CADM2: variants seen among roughly 807,000 people sequenced by gnomAD.
The protein encoded by CADM2 is immunoglobulin superfamily member 4D.
Under a neutral mutation model 49.8 loss-of-function variants are expected in CADM2, and 12 were observed. The ratio of observed to expected loss-of-function variants is 0.24; its 90% CI spans 0.15 to 0.39. The LOEUF is 0.39. Ranked by LOEUF, CADM2 falls within the 10% of genes least tolerant of loss-of-function variation. The pLI is 1.00. For synonymous variants in CADM2, 214 were observed against 175.4 expected (o/e 1.22, Z -1.74); for missense variants, 378 against 492.3 (o/e 0.77, Z 2.20).
intron 1 of CADM2, among the ~76,000 whole-genome samples, chr3:85,656,052 A>T (rs1031602575): frequency 1.3e-5 from 2 of 151,906 alleles, no homozygotes; most frequent in African/African-American, 4.8e-5. Context: ...ATCTTAGAGC[A>T]TTGATATTCT....
At chr3:85,705,508 A>G (rs770882127) in intron 1 of CADM2, among the ~76,000 whole-genome samples, 10 of 152,192 alleles carry the variant, frequency 6.6e-5, no homozygotes, top group Non-Finnish European at 1.2e-4. Flanking sequence ...TACACACTGT[A>G]TAGACAATTT....
At chr3:85,225,951 C>T (rs745715106) in intron 1 of CADM2, among the ~76,000 whole-genome samples, 39 of 152,108 alleles carry the variant, frequency 2.6e-4, no homozygotes, top group Non-Finnish European at 3.8e-4. Flanking sequence ...GGGATGAAGC[C>T]GACTTCATCG....
intron 2 of CADM2, among the ~76,000 whole-genome samples, chr3:85,727,597 A>T: frequency 6.6e-6 from 1 of 152,210 alleles, no homozygotes; most frequent in East Asian, 1.9e-4. Context: ...AAATTATTTG[A>T]TAATGAATAC....
At chr3:85,011,040 A>G (rs925373064) in intron 1 of CADM2, among the ~76,000 whole-genome samples, 2 of 150,386 alleles carry the variant, frequency 1.3e-5, no homozygotes, top group African/African-American at 4.9e-5. Context: ...ATTTTTTTGT[A>G]TTTTTAGTAG....
At chr3:85,041,417 G>C (rs553362659) in intron 1 of CADM2, among the ~76,000 whole-genome samples, 1 of 152,218 alleles carries the variant, frequency 6.6e-6, no homozygotes, top group Admixed American at 6.5e-5. Flanking sequence ...ACAGAGAGAC[G>C]GAGTAAGAAT....
At chr3:85,222,904 T>A (rs1456624725) in intron 1 of CADM2, among the ~76,000 whole-genome samples, 1 of 152,158 alleles carries the variant, frequency 6.6e-6, no homozygotes, top group Non-Finnish European at 1.5e-5. Context: ...CATCTTTTAT[T>A]AGAATCATTG....
intron 1 of CADM2, among the ~76,000 whole-genome samples, chr3:85,205,768 A>G (rs1411020270): frequency 1.3e-5 from 2 of 152,260 alleles, no homozygotes; most frequent in South Asian, 4.1e-4. Flanking sequence ...GTTGGACATC[A>G]TAATACATGA....
chr3:85,285,418 C>G (rs988403867), intron 1 of CADM2, among the ~76,000 whole-genome samples: 1 of 152,048 alleles, frequency 6.6e-6, no homozygotes, highest in African/African-American at 2.4e-5. Flanking sequence ...GTGGAAAATG[C>G]ATTTAAAATA....
rs139257494 is a variant in CADM2, at chr3:85,431,860, C to CATATGTATATAT, written c.62-294658_62-294657insGTATATATATAT. ...AACACCATGGTCTTATGCTTAATTG[C>CATATGTATATAT]ATATATATATATGCCATGCTCTTTC... On this transcript the variant is annotated intron_variant, in intron 1 of 9. Coordinates refer to ENST00000383699, the MANE Select transcript of CADM2 (RefSeq NM_001167675.2). 9.1e-4 allele frequency among the ~76,000 whole-genome samples: 47 copies of CATATGTATATAT among 51,866 alleles called. 16 individuals carry two copies. The highest frequency in any genetic ancestry group is 1.8e-3 in the South Asian group (2 of 1,140). 34.0% of individuals were successfully genotyped at this position (51,866 alleles called of 152,430 possible).
In CADM2 at chr3:85,637,429, C is replaced by G. The variant is rs546565825; in HGVS notation, c.62-89093C>G. Among the ~76,000 whole-genome samples the G allele has an allele frequency of 2.7e-5, 4 of 148,352 alleles. No homozygotes were observed. In the South Asian group the frequency reaches 8.7e-4, roughly 32 times the overall value. On this transcript the variant is annotated intron_variant, in intron 1 of 9. Coordinates refer to ENST00000383699, the MANE Select transcript of CADM2 (RefSeq NM_001167675.2). ...CATCCTGGCTAACAAGGTGAAACCCCGTCTCTACTAAAAATATAAAAAATT... is the reference window on the plus strand; with the variant it reads ...CATCCTGGCTAACAAGGTGAAACCCGGTCTCTACTAAAAATATAAAAAATT...
intron 5 of CADM2, among the ~76,000 whole-genome samples, chr3:85,903,678 C>T (rs1241372770): frequency 6.6e-6 from 1 of 152,122 alleles, no homozygotes; most frequent in Non-Finnish European, 1.5e-5. Flanking sequence ...GGCTTTGGCA[C>T]GTGCACAGCC....
intron 1 of CADM2, among the ~76,000 whole-genome samples, chr3:85,523,088 T>C (rs1474067704): frequency 6.6e-6 from 1 of 152,012 alleles, no homozygotes; most frequent in Non-Finnish European, 1.5e-5. Flanking sequence ...TACATTAGTG[T>C]GTATATATTG....
chr3:86,035,769 C>T (rs948743233), intron 8 of CADM2, among the ~76,000 whole-genome samples: 1 of 152,058 alleles, frequency 6.6e-6, no homozygotes, highest in Non-Finnish European at 1.5e-5. Context: ...TCCTAACTTA[C>T]CATTCTTTGT....
At chr3:85,248,157 A>G (rs2042691291) in intron 1 of CADM2, among the ~76,000 whole-genome samples, 2 of 152,194 alleles carry the variant, frequency 1.3e-5, no homozygotes, top group African/African-American at 4.8e-5. Context: ...TATTAATTAT[A>G]ACTTTATGTT....
chr3:85,896,187 G>C (rs1004974095), intron 5 of CADM2, among the ~76,000 whole-genome samples: 7 of 152,138 alleles, frequency 4.6e-5, no homozygotes, highest in African/African-American at 1.7e-4. Flanking sequence ...TTGGGAGGCT[G>C]AGGTTGGAAG....
intron 1 of CADM2, among the ~76,000 whole-genome samples, chr3:85,708,378 A>G (rs990865709): frequency 1.3e-5 from 2 of 152,178 alleles, no homozygotes; most frequent in African/African-American, 4.8e-5. Flanking sequence ...AAAATCCTTC[A>G]ATCACAAAAA....
intron 1 of CADM2, among the ~76,000 whole-genome samples, chr3:85,621,542 A>T (rs1701571637): frequency 6.6e-6 from 1 of 152,176 alleles, no homozygotes; most frequent in Non-Finnish European, 1.5e-5. Flanking sequence ...AAATGTAATT[A>T]TGTCTTTATA....
intron 1 of CADM2, among the ~76,000 whole-genome samples, chr3:85,073,456 G>T (rs1290580680): frequency 6.6e-6 from 1 of 152,028 alleles, no homozygotes. Flanking sequence ...ACAAATGATG[G>T]TTATTCAAAA....
chr3:84,996,441 G>A (rs138054774), intron 1 of CADM2, among the ~76,000 whole-genome samples: 1 of 152,124 alleles, frequency 6.6e-6, no homozygotes, highest in African/African-American at 2.4e-5. Context: ...ATTATCAACT[G>A]TCTGGACTTG....
Sources: allele counts gnomAD v4.1 joint callset (sites outside exome capture counted in the v4.1 genomes callset), GRCh38; gene constraint gnomAD v4.1.1; transcripts MANE v1.5; gene names NCBI Gene and HGNC (gene_info 2026-07-23, HGNC 2026-07-21).